Variants in CCSER1 observed in about 807,000 individuals in gnomAD.
CCSER1 encodes the protein coiled-coil serine rich protein 1.
Under a neutral mutation model 82.0 loss-of-function variants are expected in CCSER1, and 41 were observed. That is an observed-to-expected ratio of 0.50 (90% CI 0.39 to 0.65). CCSER1 has a LOEUF of 0.65. Ranked by LOEUF, CCSER1 falls within the 30% of genes least tolerant of loss-of-function variation. CCSER1 has a pLI of 0.00. For missense variants in CCSER1, 1,119 were observed against 1,064.2 expected, an observed-to-expected ratio of 1.05 and a Z score of -0.72; for synonymous variants, 414 against 383.9, an observed-to-expected ratio of 1.08 and a Z score of -0.92.
At chr4:91,268,463 G>GT (rs2149177537) in intron 10 of CCSER1, among the ~76,000 whole-genome samples, 1 of 152,086 alleles carries the variant, frequency 6.6e-6, no homozygotes, top group South Asian at 2.1e-4. Flanking sequence ...TGGTAGTTAA[G>GT]AGATCTAACA....
intron 3 of CCSER1, among the ~76,000 whole-genome samples, chr4:90,380,700 T>A (rs1209601549): frequency 6.6e-6 from 1 of 152,238 alleles, no homozygotes; most frequent in East Asian, 1.9e-4. Flanking sequence ...AAAGAAAAGT[T>A]GTCATTTTCC....
rs1162323246 is a variant in CCSER1 at position 90,468,460 on chromosome 4, A to C, written c.1724+106A>C. ...GTTAATATTAGTATAAAGAAAGAAG[A>C]AATAAATTTTATGGGTTAAAAAATC... is the stretch of plus-strand genomic sequence containing the variant. On this transcript the variant is annotated intron_variant, in intron 5 of 10. Coordinates refer to ENST00000509176, the MANE Select transcript of CCSER1 (RefSeq NM_001145065.2). 6 of 1,027,652 alleles carry C rather than the reference A, an allele frequency of 5.8e-6. No individual in the cohort carries two copies. In the Admixed American group the frequency reaches 1.6e-4, roughly 27 times the overall value. 63.7% of individuals were successfully genotyped at this position (1,027,652 alleles called of 1,614,324 possible). A position where few individuals can be genotyped will look rare whatever the true frequency, so the allele number is the denominator to read the frequency against.
At chr4:91,440,699 TC>T (rs1755061851) in intron 10 of CCSER1, among the ~76,000 whole-genome samples, 1 of 151,764 alleles carries the variant, frequency 6.6e-6, no homozygotes, top group Non-Finnish European at 1.5e-5. Context: ...TTTGAAAGGA[TC>T]AACAACATTG....
chr4:90,717,018 A>G (rs762878158), intron 6 of CCSER1, among the ~76,000 whole-genome samples: 6 of 152,120 alleles, frequency 3.9e-5, no homozygotes, highest in Non-Finnish European at 7.4e-5. Flanking sequence ...CTACTTGGTG[A>G]CTTCAGTCAA....
chr4:90,661,110 A>G (rs1730692410), intron 6 of CCSER1, among the ~76,000 whole-genome samples: 1 of 152,166 alleles, frequency 6.6e-6, no homozygotes, highest in Admixed American at 6.5e-5. Flanking sequence ...AAATTCATTC[A>G]TATTATGCAA....
At chr4:90,298,331 G>T (rs1349111577) in intron 1 of CCSER1, among the ~76,000 whole-genome samples, 1 of 152,050 alleles carries the variant, frequency 6.6e-6, no homozygotes, top group Non-Finnish European at 1.5e-5. Context: ...TGTGGGATCG[G>T]TGGTGATATC....
intron 8 of CCSER1, among the ~76,000 whole-genome samples, chr4:90,842,669 A>G (rs951668029): frequency 6.6e-6 from 1 of 152,184 alleles, no homozygotes; most frequent in Non-Finnish European, 1.5e-5. Context: ...AATGGGCTTA[A>G]TGTTAGGAAA....
intron 10 of CCSER1, among the ~76,000 whole-genome samples, chr4:91,165,588 G>A (rs59193640): frequency 1.3e-5 from 2 of 152,204 alleles, no homozygotes; most frequent in Non-Finnish European, 2.9e-5. Context: ...GCTCCATCCA[G>A]TGTGAGCTTC....
intron 1 of CCSER1, among the ~76,000 whole-genome samples, chr4:90,140,575 A>C (rs1160631923): frequency 1.3e-5 from 2 of 151,926 alleles, no homozygotes; most frequent in East Asian, 3.8e-4. Flanking sequence ...GTGTACGTAC[A>C]CATGTACACA....
chr4:90,922,875 C>T lies in CCSER1; in HGVS notation c.2095-495C>T, dbSNP rs538410936. 5.3e-5 allele frequency among the ~76,000 whole-genome samples: 8 copies of T among 152,126 alleles called. No homozygotes were observed. The East Asian group carries it at 5.8e-4, about 11-fold the overall frequency. On this transcript the variant is annotated intron_variant, in intron 8 of 10. Coordinates refer to ENST00000509176, the MANE Select transcript of CCSER1 (RefSeq NM_001145065.2). The stretch of plus-strand genomic sequence containing the variant: ...TTCCCTTCCCTAGTTATCACAGGGT[C>T]GGATTTGTGTCAGTCTCTTAAGGTA...
At chr4:91,492,531 A>G (rs1758603587) in intron 10 of CCSER1, among the ~76,000 whole-genome samples, 1 of 152,060 alleles carries the variant, frequency 6.6e-6, no homozygotes, top group Non-Finnish European at 1.5e-5. Context: ...GATAAGTCCA[A>G]CTGTCAGAGA....
intron 9 of CCSER1, among the ~76,000 whole-genome samples, chr4:90,933,132 A>AGTGTGTGTGTGTGTGTGTGT (rs536402295): frequency 1.1e-4 from 8 of 70,180 alleles, no homozygotes; most frequent in East Asian, 8.3e-4. Context: ...GTTACCTAGA[A>AGTGTGTGTGTGTGTGTGTGT]GTGTGTGTGT....
chr4:90,176,190 G>A (rs1732629645), intron 1 of CCSER1, among the ~76,000 whole-genome samples: 2 of 152,130 alleles, frequency 1.3e-5, no homozygotes, highest in South Asian at 4.1e-4. Context: ...CAAGCTCTGT[G>A]TGAAGGAGCT....
intron 5 of CCSER1, among the ~76,000 whole-genome samples, chr4:90,564,154 C>T (rs72887405): frequency 0.15 from 22,087 of 151,766 alleles, 4,691 homozygotes; most frequent in African/African-American, 0.47. Context: ...ATTATTTATA[C>T]TCATTTATTT....
intron 1 of CCSER1, among the ~76,000 whole-genome samples, chr4:90,205,840 G>A (rs1230495700): frequency 6.6e-6 from 1 of 151,980 alleles, no homozygotes. Context: ...GCTTTTTTTG[G>A]TTGGTAGGCT....
Position 91,446,444 on chromosome 4 carries a change from T to C in CCSER1, c.2218-152128T>C, listed in dbSNP as rs1378896681. 2.0e-5 allele frequency among the ~76,000 whole-genome samples: 3 copies of C among 151,834 alleles called. No homozygotes were observed. In the East Asian group the frequency reaches 5.8e-4, roughly 29 times the overall value. The stretch of plus-strand genomic sequence containing the variant: ...GTGCTCTAGAAATACTATACTGTTT[T>C]TCTGTTACAAATATTATGCATATTC... On this transcript the variant is annotated intron_variant, in intron 10 of 10. Transcript: ENST00000509176.
Position 91,599,267 on chromosome 4 carries a change from G to T in CCSER1, c.*210G>T, listed in dbSNP as rs774877320. On this transcript the variant is annotated 3_prime_UTR_variant, in exon 11 of 11. Transcript: ENST00000509176. ...TTGAGCATGTTAATTGAACTAGGTT[G>T]CATTGCCTTGAAGACTTTACTATAT... 8.5e-5 allele frequency: 46 copies of T among 539,502 alleles called. No homozygotes were observed. Among genetic ancestry groups the T allele is most frequent in the Non-Finnish European group, 9.5e-5 (30 of 315,604 alleles). 33.4% of individuals were successfully genotyped at this position (539,502 alleles called of 1,614,324 possible).
chr4:90,305,201 C>T (rs990128927), intron 1 of CCSER1, among the ~76,000 whole-genome samples: 1 of 152,164 alleles, frequency 6.6e-6, no homozygotes, highest in Non-Finnish European at 1.5e-5. Context: ...CAGGCGTGAG[C>T]CACCGCGCCC....
chr4:90,293,374 T>C (rs1182631225), intron 1 of CCSER1, among the ~76,000 whole-genome samples: 1 of 151,626 alleles, frequency 6.6e-6, no homozygotes, highest in Non-Finnish European at 1.5e-5. Flanking sequence ...TTTTCTTTGA[T>C]CTAAAAGGCA....
Sources: gnomAD v4.1 joint callset for allele counts (sites outside exome capture counted in the v4.1 genomes callset) on GRCh38, gnomAD v4.1.1 for gene constraint, MANE v1.5 for transcripts, NCBI Gene and HGNC (gene_info 2026-07-23, HGNC 2026-07-21) for gene names.